The following RPH3A variants were observed in gnomAD, a reference collection of about 807,000 sequenced individuals.
RPH3A encodes the protein rabphilin 3A.
In RPH3A, 48 loss-of-function variants were observed where a neutral mutation model predicts 102.2. That is an observed-to-expected ratio of 0.47 (90% CI 0.37 to 0.60). The LOEUF is 0.60. Ranked by LOEUF, RPH3A falls within the 20% of genes least tolerant of loss-of-function variation. RPH3A has a pLI of 0.00. For synonymous variants in RPH3A, 310 were observed against 324.3 expected (o/e 0.96, Z 0.47); for missense variants, 781 against 910.1 (o/e 0.86, Z 1.83).
At chr12:112,633,416 A>G (rs1022478289) in intron 1 of RPH3A, among the ~76,000 whole-genome samples, 3 of 152,138 alleles carry the variant, frequency 2.0e-5, no homozygotes, top group African/African-American at 7.2e-5. Flanking sequence ...GGGCTCATGA[A>G]TGGATTAATC....
At chr12:112,710,821 AT>A (rs1432529236) in intron 1 of RPH3A, among the ~76,000 whole-genome samples, 2 of 152,242 alleles carry the variant, frequency 1.3e-5, no homozygotes, top group East Asian at 3.9e-4. Context: ...GTTTCTGTGT[AT>A]TTTTTATTAC....
Position 112,678,291 on chromosome 12 carries a change from A to AGAGAGAGAG in RPH3A, c.-140+102972_-140+102973insGAGAGAGAG, listed in dbSNP as rs1566255250. Among the ~76,000 whole-genome samples, 19 of 30,732 alleles carry AGAGAGAGAG rather than the reference A, an allele frequency of 6.2e-4. 3 individuals are homozygous for AGAGAGAGAG. Among genetic ancestry groups the AGAGAGAGAG allele is most frequent in the Middle Eastern group, 0.02 (1 of 50 alleles). 20.2% of individuals were successfully genotyped at this position (30,732 alleles called of 152,430 possible). On this transcript the variant is annotated intron_variant, in intron 1 of 21. Transcript: ENST00000543106. ...AAAGAAAGAAAGAAAGAAAGAAAGA[A>AGAGAGAGAG]AGAAAGAAAGAAAGAGAGAGAGAGA...
intron 1 of RPH3A, among the ~76,000 whole-genome samples, chr12:112,745,070 T>C (rs993220798): frequency 3.3e-5 from 5 of 152,236 alleles, no homozygotes; most frequent in Non-Finnish European, 7.3e-5. Context: ...CATGTCTTCT[T>C]AACATTTCCT....
At chr12:112,716,639 C>T (rs1458512924) in intron 1 of RPH3A, among the ~76,000 whole-genome samples, 1 of 152,206 alleles carries the variant, frequency 6.6e-6, no homozygotes, top group African/African-American at 2.4e-5. Context: ...ACCCGTGTCT[C>T]ATTGGCCACA....
At position 112,883,275 on chromosome 12, in the gene RPH3A, A is replaced by G. The variant is rs1565942116; in HGVS notation, c.1327-18A>G. 6.2e-7 allele frequency: 1 copy of G among 1,604,864 alleles called. No individual in the cohort carries two copies. The highest frequency in any genetic ancestry group is 2.2e-5 in the East Asian group (1 of 44,816). ...CCCACTGAGGTAGGTGTCTCTGTCC[A>G]TCTCTCTCGGGCTCTAGTCCAACAA... On this transcript the variant is annotated intron_variant, in intron 15 of 21. Coordinates refer to ENST00000389385, the MANE Select transcript of RPH3A (RefSeq NM_001143854.2).
intron 1 of RPH3A, among the ~76,000 whole-genome samples, chr12:112,615,900 G>A (rs2039675283): frequency 6.6e-6 from 1 of 152,150 alleles, no homozygotes; most frequent in South Asian, 2.1e-4. Flanking sequence ...ACGCCTGGCA[G>A]CTAGTAAGTG....
At chr12:112,744,453 C>A (rs1313740376) in intron 1 of RPH3A, among the ~76,000 whole-genome samples, 1 of 152,152 alleles carries the variant, frequency 6.6e-6, no homozygotes, top group Non-Finnish European at 1.5e-5. Context: ...TATTTAAAAT[C>A]CTGCTTCTTT....
At chr12:112,772,329 C>T (rs1015552131) in intron 1 of RPH3A, among the ~76,000 whole-genome samples, 1 of 152,208 alleles carries the variant, frequency 6.6e-6, no homozygotes, top group African/African-American at 2.4e-5. Flanking sequence ...TTTAGGGCAG[C>T]ACTGGTCTCC....
intron 1 of RPH3A, among the ~76,000 whole-genome samples, chr12:112,754,082 T>G (rs187625821): frequency 1.5e-4 from 23 of 152,224 alleles, no homozygotes; most frequent in Admixed American, 6.5e-4. Flanking sequence ...GCGCTGACAA[T>G]CCATTTGGCT....
At chr12:112,671,824 G>A (rs138272536) in intron 1 of RPH3A, among the ~76,000 whole-genome samples, 324 of 151,660 alleles carry the variant, frequency 2.1e-3, no homozygotes, top group Non-Finnish European at 4.1e-3. Context: ...ATTAGTCAGC[G>A]TTCTCCAGAA....
intron 1 of RPH3A, among the ~76,000 whole-genome samples, chr12:112,723,525 G>C (rs1336782655): frequency 3.9e-5 from 6 of 152,168 alleles, no homozygotes; most frequent in Non-Finnish European, 8.8e-5. Flanking sequence ...ACTTTTTCTT[G>C]TAATGCCATG....
intron 1 of RPH3A, among the ~76,000 whole-genome samples, chr12:112,737,065 G>A (rs998835551): frequency 6.6e-6 from 1 of 151,492 alleles, no homozygotes; most frequent in African/African-American, 2.4e-5. Flanking sequence ...TGAGGTGGAA[G>A]GATGGCTTGA....
chr12:112,887,770 C>T, intron 16 of RPH3A, 27 bp from the exon 17 acceptor site: 1 of 1,608,416 alleles, frequency 6.2e-7, no homozygotes. Flanking sequence ...TCCTGTTTCT[C>T]TCTCTACCCC....
chr12:112,799,022 A>G (rs1463943541), intron 2 of RPH3A, among the ~76,000 whole-genome samples: 1 of 152,190 alleles, frequency 6.6e-6, no homozygotes, highest in Non-Finnish European at 1.5e-5. Context: ...GAGGGCTCCA[A>G]GTAGGGTCAC....
rs531197445 is a variant in RPH3A, at chr12:112,846,968, T to C, written c.84-728T>C. Among the ~76,000 whole-genome samples the C allele has an allele frequency of 5.9e-5, 9 of 152,258 alleles. No individual in the cohort carries two copies. The South Asian group carries it at 1.7e-3, about 28-fold the overall frequency. Reference sequence around the variant, plus strand: ...TTGAGCAAGTGCTCTAATTTCTCCATGCCTCAGCCTCCTCACCAGGAAATA... The same window carrying C: ...TTGAGCAAGTGCTCTAATTTCTCCACGCCTCAGCCTCCTCACCAGGAAATA... On this transcript the variant is annotated intron_variant, in intron 4 of 21. Transcript: ENST00000389385.
rs772886838 is a variant in RPH3A, at chr12:112,847,836, G to A, written c.224G>A (p.Arg75Gln). The change falls in exon 5 of 22, where the codon CGA (arginine) becomes CAA (glutamine). Residue 75 changes from arginine to glutamine, a missense_variant. Transcript: ENST00000389385. ...AEKMEEMEQE[R>Q]IGRLVDRLEN... Reference sequence around the variant, plus strand: ...AAAATGGAAGAGATGGAGCAGGAGCGAATCGGGTGAGGCTTAACGCTTCCC... The same window carrying A: ...AAAATGGAAGAGATGGAGCAGGAGCAAATCGGGTGAGGCTTAACGCTTCCC... 9 of 1,613,986 alleles carry A rather than the reference G, an allele frequency of 5.6e-6. No individual in the cohort carries two copies. The highest frequency in any genetic ancestry group is 1.7e-5 in the Admixed American group (1 of 60,020).
intron 2 of RPH3A, among the ~76,000 whole-genome samples, chr12:112,805,356 C>A (rs1030219105): frequency 1.8e-4 from 28 of 152,132 alleles, no homozygotes; most frequent in African/African-American, 6.5e-4. Flanking sequence ...GGCCTATCCC[C>A]AGAAATTCTG....
chr12:112,733,324 C>T (rs2040646856), intron 1 of RPH3A, among the ~76,000 whole-genome samples: 1 of 152,284 alleles, frequency 6.6e-6, no homozygotes, highest in South Asian at 2.1e-4. Context: ...CACACACATA[C>T]ACCAGCATCA....
chr12:112,774,504 A>G (rs531578075), intron 1 of RPH3A, among the ~76,000 whole-genome samples: 3 of 152,332 alleles, frequency 2.0e-5, no homozygotes, highest in Admixed American at 6.5e-5. Context: ...CTCTCAAGAC[A>G]CCAAGTTTCT....
Sources: allele counts gnomAD v4.1 joint callset (sites outside exome capture counted in the v4.1 genomes callset), GRCh38; gene constraint gnomAD v4.1.1; transcripts MANE v1.5; gene names NCBI Gene and HGNC (gene_info 2026-07-23, HGNC 2026-07-21).